EZR: variants seen among roughly 807,000 people sequenced by gnomAD.
EZR encodes ezrin.
In EZR, 40 loss-of-function variants were observed where a neutral mutation model predicts 74.8. The ratio of observed to expected loss-of-function variants is 0.53; its 90% confidence interval spans 0.42 to 0.70. The LOEUF is 0.70. Among genes scored for constraint, EZR ranks in the 30% least tolerant of loss-of-function variants. The pLI is 0.00. For synonymous variants in EZR, 341 were observed against 283.3 expected, an observed-to-expected ratio of 1.20 and a Z score of -2.05; for missense variants, 678 against 755.8, an observed-to-expected ratio of 0.90 and a Z score of 1.21.
chr6:158,783,200 G>A (rs780762897), intron 7 of EZR, among the ~76,000 whole-genome samples: 22 of 150,724 alleles, frequency 1.5e-4, no homozygotes, highest in Non-Finnish European at 3.0e-4. Context: ...GCTATGGATG[G>A]ATGTGCTGGT....
At chr6:158,798,695 G>C (rs990313905) in intron 2 of EZR, among the ~76,000 whole-genome samples, 2 of 146,714 alleles carry the variant, frequency 1.4e-5, no homozygotes, top group Non-Finnish European at 3.0e-5. Flanking sequence ...GCAGTGGCGT[G>C]ATCTCAGCTC....
chr6:158,805,007 T>C (rs2128575330), intron 2 of EZR, among the ~76,000 whole-genome samples: 1 of 146,990 alleles, frequency 6.8e-6, no homozygotes, highest in East Asian at 2.0e-4. Context: ...AGTGAGAATA[T>C]GCGGTGTTTG....
At chr6:158,792,618 G>A (rs894607583) in intron 2 of EZR, among the ~76,000 whole-genome samples, 1 of 152,046 alleles carries the variant, frequency 6.6e-6, no homozygotes, top group African/African-American at 2.4e-5. Flanking sequence ...AGGAGATGGA[G>A]ATCATCCTGG....
intron 2 of EZR, among the ~76,000 whole-genome samples, chr6:158,810,680 G>C (rs1001048671): frequency 6.6e-6 from 1 of 152,150 alleles, no homozygotes; most frequent in Non-Finnish European, 1.5e-5. Context: ...TGTTCATATT[G>C]CTTTTTCCTT....
At position 158,769,683 on chromosome 6, in the gene EZR, G is replaced by T. The variant is rs148629505; in HGVS notation, c.1251+101C>A. 2.1e-4 allele frequency: 312 copies of T among 1,493,736 alleles called. No individual in the cohort carries two copies. In the African/African-American group the frequency reaches 3.9e-3, roughly 19 times the overall value. The allele number at this position is 1,493,736 out of a possible 1,614,324, so 92.5% of individuals were successfully genotyped here. A position where few individuals can be genotyped will look rare whatever the true frequency, so the allele number is the denominator to read the frequency against. On this transcript the variant is annotated intron_variant, in intron 11 of 13. Transcript: ENST00000367075. Reference sequence around the variant, plus strand: ...CAGCCCCCCAGCAGATCAGTTTACAGCTTCCAGTCATGACAATTATTACAA... The same window carrying T: ...CAGCCCCCCAGCAGATCAGTTTACATCTTCCAGTCATGACAATTATTACAA...
At chr6:158,777,065 T>C (rs969597497) in intron 7 of EZR, among the ~76,000 whole-genome samples, 1 of 152,224 alleles carries the variant, frequency 6.6e-6, no homozygotes, top group African/African-American at 2.4e-5. Flanking sequence ...CAGGGCTGCC[T>C]CCCTTTCCCT....
rs753381149 is a variant in EZR, at chr6:158,769,771, A to G, written c.1251+13T>C. 7.4e-6 allele frequency: 12 copies of G among 1,613,380 alleles called. No homozygotes were observed. Among genetic ancestry groups the G allele is most frequent in the Non-Finnish European group, 1.0e-5 (12 of 1,179,980 alleles). ...TCTATAATTCAGCATCTTGAAACTC[A>G]GGCCATTCCTACCAGCTGCTCCTGG... On this transcript the variant is annotated intron_variant, in intron 11 of 13. Coordinates refer to ENST00000367075, the MANE Select transcript of EZR (RefSeq NM_001111077.2).
intron 2 of EZR, among the ~76,000 whole-genome samples, chr6:158,815,994 TAA>T (rs1204063880): frequency 2.0e-5 from 3 of 152,110 alleles, no homozygotes; most frequent in Non-Finnish European, 4.4e-5. Flanking sequence ...CCATAAGAAA[TAA>T]GAGAGAGAAG....
intron 2 of EZR, among the ~76,000 whole-genome samples, chr6:158,808,347 C>T (rs1340088145): frequency 6.6e-6 from 1 of 152,212 alleles, no homozygotes; most frequent in Non-Finnish European, 1.5e-5. Flanking sequence ...CAACCCACCA[C>T]CACTGGACTG....
intron 6 of EZR, among the ~76,000 whole-genome samples, chr6:158,784,321 CTT>C (rs901706432): frequency 6.6e-5 from 10 of 152,202 alleles, no homozygotes; most frequent in South Asian, 2.1e-4. Flanking sequence ...ACCAGCATCT[CTT>C]TGACAGAATA....
chr6:158,795,635 TAC>T (rs1482587381), intron 2 of EZR, among the ~76,000 whole-genome samples: 1 of 152,102 alleles, frequency 6.6e-6, no homozygotes, highest in Non-Finnish European at 1.5e-5. Context: ...GCACTGTGAG[TAC>T]AGAGAGGCAT....
At chr6:158,776,827 G>A (rs1488169901) in intron 7 of EZR, among the ~76,000 whole-genome samples, 2 of 152,094 alleles carry the variant, frequency 1.3e-5, no homozygotes, top group Non-Finnish European at 2.9e-5. Flanking sequence ...CTCCCCCTCA[G>A]GTATCTTCTG....
intron 2 of EZR, among the ~76,000 whole-genome samples, chr6:158,815,783 G>C (rs1777541607): frequency 1.3e-5 from 2 of 152,158 alleles, no homozygotes; most frequent in African/African-American, 4.8e-5. Flanking sequence ...CTCAAAAAAA[G>C]TTTAAAAATT....
intron 2 of EZR, among the ~76,000 whole-genome samples, chr6:158,815,325 T>G (rs552065006): frequency 2.0e-5 from 3 of 152,158 alleles, no homozygotes; most frequent in Non-Finnish European, 4.4e-5. Flanking sequence ...CTCTTCTCAG[T>G]GATTTGTGGG....
At position 158,766,041 on chromosome 6, in the gene EZR, TAATC is replaced by T. The variant is rs1169016484; in HGVS notation, c.*869_*872del. 2.0e-5 allele frequency: 3 copies of T among 152,638 alleles called. No homozygotes were observed. The highest frequency in any genetic ancestry group is 4.4e-5 in the Non-Finnish European group (3 of 68,030). 9.5% of individuals were successfully genotyped at this position (152,638 alleles called of 1,614,324 possible). On this transcript the variant is annotated 3_prime_UTR_variant, in exon 14 of 14. Transcript: ENST00000367075. ...CATTACATGCATAAAACACTAATAA[TAATC>T]CTGTTTACACGTGACTGCAGCAGGC...
chr6:158,814,545 CTTTTT>C (rs140662494), intron 2 of EZR, among the ~76,000 whole-genome samples: 5 of 127,354 alleles, frequency 3.9e-5, no homozygotes, highest in African/African-American at 3.1e-5. Flanking sequence ...TGAATAAAGT[CTTTTT>C]TTTTTTTTTT....
chr6:158,818,103 C>G lies in EZR; in HGVS notation c.-10G>C. 2 of 1,608,554 alleles carry G rather than the reference C, an allele frequency of 1.2e-6. No individual in the cohort carries two copies. Among genetic ancestry groups the G allele is most frequent in the Non-Finnish European group, 1.7e-6 (2 of 1,176,228 alleles). ...TTACTGGTTTCGGCATTTTCGGTTT[C>G]TGGTGAGTATCCTCGATCCCCGAAA... On this transcript the variant is annotated 5_prime_UTR_variant, in exon 2 of 14. Transcript: ENST00000367075.
intron 8 of EZR, among the ~76,000 whole-genome samples, chr6:158,773,890 T>TA (rs1791191543): frequency 6.6e-6 from 1 of 152,212 alleles, no homozygotes; most frequent in Non-Finnish European, 1.5e-5. Context: ...CAGCCCCTCA[T>TA]AGTGTCACCT....
chr6:158,806,874 ATTAT>A (rs1041855450), intron 2 of EZR, among the ~76,000 whole-genome samples: 45 of 152,298 alleles, frequency 3.0e-4, no homozygotes, highest in African/African-American at 1.1e-3. Flanking sequence ...AACACCCTTA[ATTAT>A]TTAACTGAGG....
Sources: allele counts gnomAD v4.1 joint callset (sites outside exome capture counted in the v4.1 genomes callset), GRCh38; gene constraint gnomAD v4.1.1; transcripts MANE v1.5; gene names NCBI Gene and HGNC (gene_info 2026-07-23, HGNC 2026-07-21).